PRKN: variants seen among roughly 807,000 people sequenced by gnomAD.
The protein encoded by PRKN is E3 ubiquitin-protein ligase parkin.
In PRKN, 56 loss-of-function variants were observed where a neutral mutation model predicts 59.5. The ratio of observed to expected loss-of-function variants is 0.94; its 90% CI spans 0.76 to 1.18. The LOEUF (loss-of-function observed/expected upper bound fraction) is 1.18, where lower values mean the gene tolerates loss of function less well. Among genes scored for constraint, PRKN ranks in the 50% most tolerant of loss-of-function variants. The pLI is 0.00. For missense variants in PRKN, 657 were observed against 596.4 expected (o/e 1.10, Z -1.06); for synonymous variants, 250 against 222.1 (o/e 1.13, Z -1.12).
At chr6:161,831,005 T>G (rs750962009) in intron 6 of PRKN, among the ~76,000 whole-genome samples, 8 of 152,170 alleles carry the variant, frequency 5.3e-5, no homozygotes, top group Non-Finnish European at 1.2e-4. Flanking sequence ...CTCCACATTC[T>G]GGTTCATCTC....
At chr6:162,183,693 T>G (rs1219611082) in intron 4 of PRKN, among the ~76,000 whole-genome samples, 2 of 152,212 alleles carry the variant, frequency 1.3e-5, no homozygotes, top group Admixed American at 1.3e-4. Context: ...CACTGCTGAC[T>G]GCATGACCAA....
chr6:161,870,829 T>G (rs1794311840), intron 6 of PRKN, among the ~76,000 whole-genome samples: 1 of 152,202 alleles, frequency 6.6e-6, no homozygotes, highest in Non-Finnish European at 1.5e-5. Flanking sequence ...TAGGTAGGTC[T>G]CCTTGTTATG....
chr6:161,887,345 T>G (rs1363290906), intron 6 of PRKN, among the ~76,000 whole-genome samples: 2 of 152,194 alleles, frequency 1.3e-5, no homozygotes, highest in Non-Finnish European at 1.5e-5. Flanking sequence ...TAAAAAGTGC[T>G]ACAAGTGTTA....
chr6:162,312,323 C>G lies in PRKN; in HGVS notation c.172-49558G>C, dbSNP rs145680277. Among the ~76,000 whole-genome samples the G allele has an allele frequency of 2.0e-5, 3 of 152,074 alleles. No individual in the cohort carries two copies. The East Asian group carries it at 5.8e-4, about 30-fold the overall frequency. On this transcript the variant is annotated intron_variant, in intron 2 of 11. Transcript: ENST00000366898. ...TGTTTCCTTTCTGATTTTTACTGTT[C>G]TCTTGTCCTTGCTGCCCTCACTGTA...
intron 6 of PRKN, among the ~76,000 whole-genome samples, chr6:161,871,152 T>C (rs1247983710): frequency 6.6e-6 from 1 of 151,834 alleles, no homozygotes; most frequent in Non-Finnish European, 1.5e-5. Context: ...ATTTCTAGAG[T>C]TTTCAGTAAG....
chr6:162,331,853 G>C (rs1783592947), intron 2 of PRKN, among the ~76,000 whole-genome samples: 1 of 152,160 alleles, frequency 6.6e-6, no homozygotes, highest in African/African-American at 2.4e-5. Flanking sequence ...CTGCAACTCA[G>C]TATGGAATAT....
At chr6:161,816,724 T>C (rs1300060956) in intron 6 of PRKN, among the ~76,000 whole-genome samples, 1 of 108,706 alleles carries the variant, frequency 9.2e-6, no homozygotes, top group East Asian at 2.2e-4. Context: ...TGAGACTCCA[T>C]CTCAAAAAAA....
At chr6:162,103,890 G>A (rs959847159) in intron 4 of PRKN, among the ~76,000 whole-genome samples, 13 of 152,244 alleles carry the variant, frequency 8.5e-5, no homozygotes, top group South Asian at 8.3e-4. Context: ...CACTGTTCTC[G>A]AAAGAGCATA....
intron 7 of PRKN, among the ~76,000 whole-genome samples, chr6:161,591,047 T>C (rs961622019): frequency 6.6e-6 from 1 of 152,162 alleles, no homozygotes; most frequent in Non-Finnish European, 1.5e-5. Context: ...TGTGGTTACA[T>C]AACAGATTAC....
At chr6:162,505,772 A>G (rs923861118) in intron 1 of PRKN, among the ~76,000 whole-genome samples, 3 of 146,838 alleles carry the variant, frequency 2.0e-5, no homozygotes, top group African/African-American at 7.4e-5. Context: ...ACAAAATGAT[A>G]TGAAGCAGAT....
At chr6:161,805,005 A>G in intron 6 of PRKN, among the ~76,000 whole-genome samples, 1 of 152,218 alleles carries the variant, frequency 6.6e-6, no homozygotes. Context: ...CATCATTCAG[A>G]CTATGAGTTT....
At chr6:162,476,134 T>C (rs970186094) in intron 1 of PRKN, among the ~76,000 whole-genome samples, 1 of 148,988 alleles carries the variant, frequency 6.7e-6, no homozygotes, top group Non-Finnish European at 1.5e-5. Context: ...CTCAGCTCAC[T>C]GCAACCTCCG....
intron 6 of PRKN, among the ~76,000 whole-genome samples, chr6:161,857,736 C>A (rs376540216): frequency 6.6e-6 from 1 of 152,174 alleles, no homozygotes; most frequent in Non-Finnish European, 1.5e-5. Context: ...CATTTCTATA[C>A]GTAGCATGAT....
chr6:161,589,504 G>A (rs1781638399), intron 7 of PRKN, among the ~76,000 whole-genome samples: 1 of 151,226 alleles, frequency 6.6e-6, no homozygotes, highest in African/African-American at 2.4e-5. Flanking sequence ...CAAAGAGCTT[G>A]TTAAATTTGA....
chr6:162,665,475 AG>A (rs1779065559), intron 1 of PRKN, among the ~76,000 whole-genome samples: 1 of 152,096 alleles, frequency 6.6e-6, no homozygotes, highest in Non-Finnish European at 1.5e-5. Context: ...ACAGCCAACA[AG>A]GGATGTGAAG....
At chr6:162,297,808 C>T (rs973489157) in intron 2 of PRKN, among the ~76,000 whole-genome samples, 2 of 152,230 alleles carry the variant, frequency 1.3e-5, no homozygotes, top group South Asian at 2.1e-4. Context: ...GCTCTTCATC[C>T]TTCCTGCTTC....
chr6:161,483,146 C>T lies in PRKN; in HGVS notation c.1083+65708G>A, dbSNP rs370591242. ...GTGTTCTGCAGATAAATGTTCTTTC[C>T]GGCTCGTGACAACTAACAATTGTGT... is the stretch of plus-strand genomic sequence containing the variant. On this transcript the variant is annotated intron_variant, in intron 9 of 11. Coordinates refer to ENST00000366898, the MANE Select transcript of PRKN (RefSeq NM_004562.3). The surrounding 1 kb of genome is among the most constrained non-coding windows in gnomAD (Gnocchi z 5.0). Among the ~76,000 whole-genome samples, 16 of 147,134 alleles carry T rather than the reference C, an allele frequency of 1.1e-4. No homozygotes were observed. The highest frequency in any genetic ancestry group is 4.4e-5 in the Non-Finnish European group (3 of 67,498).
At chr6:162,369,189 T>C (rs1410889634) in intron 2 of PRKN, among the ~76,000 whole-genome samples, 2 of 152,170 alleles carry the variant, frequency 1.3e-5, no homozygotes, top group African/African-American at 4.8e-5. Flanking sequence ...CAAAAAGAAA[T>C]AAAACAGGAA....
intron 4 of PRKN, among the ~76,000 whole-genome samples, chr6:162,171,111 A>T (rs2128319655): frequency 6.6e-6 from 1 of 151,944 alleles, no homozygotes; most frequent in South Asian, 2.1e-4. Flanking sequence ...AATAGACACC[A>T]TTGCCTCTTG....
Sources: allele counts gnomAD v4.1 joint callset (sites outside exome capture counted in the v4.1 genomes callset), GRCh38; gene constraint gnomAD v4.1.1; non-coding constraint Gnocchi (gnomAD v3.1); transcripts MANE v1.5; gene names NCBI Gene and HGNC (gene_info 2026-07-23, HGNC 2026-07-21).